NRXN1: variants seen among roughly 807,000 people sequenced by gnomAD.
NRXN1 encodes the protein neurexin-1.
A neutral mutation model predicts 150.9 loss-of-function variants in NRXN1; 39 were observed. The ratio of observed to expected loss-of-function variants is 0.26; its 90% CI spans 0.20 to 0.34. NRXN1 has a LOEUF of 0.34. NRXN1 is among the 10% of genes least tolerant of loss of function. The pLI is 1.00. For missense variants in NRXN1, 1,815 were observed against 1,949.9 expected (o/e 0.93, Z 1.30); for synonymous variants, 924 against 757.0 (o/e 1.22, Z -3.62).
chr2:49,987,144 G>C (rs1262322239), intron 21 of NRXN1, among the ~76,000 whole-genome samples: 2 of 151,872 alleles, frequency 1.3e-5, no homozygotes, highest in African/African-American at 4.8e-5. Flanking sequence ...CTGTAATTTT[G>C]TATCTGTTAG....
At chr2:50,242,832 C>T (rs375293648) in intron 17 of NRXN1, among the ~76,000 whole-genome samples, 19 of 151,758 alleles carry the variant, frequency 1.3e-4, no homozygotes, top group Middle Eastern at 3.4e-3. Flanking sequence ...GAGAATTAGA[C>T]AGATTTTTAA....
At chr2:50,411,544 C>T (rs567794069) in intron 17 of NRXN1, among the ~76,000 whole-genome samples, 48 of 151,266 alleles carry the variant, frequency 3.2e-4, no homozygotes, top group African/African-American at 4.4e-4. Flanking sequence ...ATGTGAAGAG[C>T]GCCTCTGCCC....
intron 21 of NRXN1, among the ~76,000 whole-genome samples, chr2:49,952,876 T>C (rs1225171646): frequency 2.0e-5 from 3 of 152,172 alleles, no homozygotes; most frequent in African/African-American, 7.2e-5. Context: ...TTATTTCTTA[T>C]TACATCTTGG....
intron 17 of NRXN1, among the ~76,000 whole-genome samples, chr2:50,302,054 T>A (rs1008416861): frequency 3.9e-5 from 6 of 152,146 alleles, no homozygotes; most frequent in African/African-American, 7.2e-5. Flanking sequence ...AATATTTTTT[T>A]AAAAAATTTC....
At chr2:50,072,322 A>G (rs573830352) in intron 19 of NRXN1, among the ~76,000 whole-genome samples, 2 of 152,330 alleles carry the variant, frequency 1.3e-5, no homozygotes, top group Non-Finnish European at 2.9e-5. Flanking sequence ...GCAACTCTGC[A>G]TAAGACAAAT....
intron 5 of NRXN1, among the ~76,000 whole-genome samples, chr2:50,856,165 C>T (rs961438233): frequency 2.0e-5 from 3 of 151,902 alleles, no homozygotes; most frequent in Admixed American, 1.3e-4. Context: ...TTCAACCATA[C>T]TTGTGACATT....
At chr2:50,075,816 C>T (rs190840459) in intron 19 of NRXN1, among the ~76,000 whole-genome samples, 8 of 151,670 alleles carry the variant, frequency 5.3e-5, no homozygotes, top group Non-Finnish European at 8.8e-5. Flanking sequence ...AACAGCTCTA[C>T]TTTCAGGAAA....
chr2:50,929,362 T>C (rs1687392981), intron 2 of NRXN1, among the ~76,000 whole-genome samples: 1 of 152,108 alleles, frequency 6.6e-6, no homozygotes, highest in South Asian at 2.1e-4. Context: ...AGTTTGGCAA[T>C]ATGTAAGTCT....
At chr2:50,539,549 T>C (rs1381700264) in intron 9 of NRXN1, among the ~76,000 whole-genome samples, 1 of 152,138 alleles carries the variant, frequency 6.6e-6, no homozygotes, top group Non-Finnish European at 1.5e-5. Flanking sequence ...ATATAAAGCA[T>C]ATTCCTGATC....
At chr2:50,613,724 G>C (rs1011993939) in intron 8 of NRXN1, among the ~76,000 whole-genome samples, 1 of 152,156 alleles carries the variant, frequency 6.6e-6, no homozygotes, top group Admixed American at 6.5e-5. Context: ...GGATCACAAG[G>C]TCAGGACATC....
chr2:50,354,367 A>C (rs2153003706), intron 17 of NRXN1, among the ~76,000 whole-genome samples: 1 of 151,810 alleles, frequency 6.6e-6, no homozygotes, highest in East Asian at 1.9e-4. Context: ...GCTTCTACAA[A>C]CTTGCTAGCT....
At chr2:49,955,255 G>T (rs1194260903) in intron 21 of NRXN1, among the ~76,000 whole-genome samples, 2 of 152,032 alleles carry the variant, frequency 1.3e-5, no homozygotes, top group Non-Finnish European at 2.9e-5. Flanking sequence ...AACAAGTATA[G>T]ATTATTTTCT....
chr2:50,651,348 C>G (rs1230910782), intron 5 of NRXN1, among the ~76,000 whole-genome samples: 1 of 151,922 alleles, frequency 6.6e-6, no homozygotes, highest in Non-Finnish European at 1.5e-5. Flanking sequence ...CATGGTGGCT[C>G]ACACCTGTAA....
chr2:50,077,017 G>C (rs1327256076), intron 19 of NRXN1, among the ~76,000 whole-genome samples: 2 of 152,126 alleles, frequency 1.3e-5, no homozygotes, highest in Non-Finnish European at 2.9e-5. Context: ...CACTGGAGTA[G>C]GCTTTAGAAC....
intron 17 of NRXN1, among the ~76,000 whole-genome samples, chr2:50,315,511 T>A (rs780656152): frequency 7.2e-5 from 11 of 152,134 alleles, no homozygotes; most frequent in Non-Finnish European, 1.6e-4. Flanking sequence ...ATGTGCAATA[T>A]TCAAATCTGT....
intron 15 of NRXN1, among the ~76,000 whole-genome samples, chr2:50,492,927 T>C (rs945072480): frequency 2.6e-4 from 7 of 27,090 alleles, no homozygotes; most frequent in African/African-American, 1.0e-3. Context: ...AAAAGAAAGA[T>C]GCCTGTTTTC....
At chr2:50,248,846 G>C (rs921972301) in intron 17 of NRXN1, among the ~76,000 whole-genome samples, 1 of 152,052 alleles carries the variant, frequency 6.6e-6, no homozygotes, top group Non-Finnish European at 1.5e-5. Context: ...TGTATGTGTA[G>C]AAATTGGCAT....
intron 17 of NRXN1, among the ~76,000 whole-genome samples, chr2:50,254,917 C>A (rs2067544587): frequency 6.6e-6 from 1 of 151,994 alleles, no homozygotes; most frequent in Non-Finnish European, 1.5e-5. Context: ...AGAGATCCTC[C>A]CACCTCAGCC....
chr2:50,221,757 T>C (rs1270125220), intron 18 of NRXN1, among the ~76,000 whole-genome samples: 4 of 152,034 alleles, frequency 2.6e-5, no homozygotes, highest in Non-Finnish European at 5.9e-5. Context: ...TTCGATTTAA[T>C]ATTGGCTATT....
Sources: gnomAD v4.1 joint callset for allele counts (sites outside exome capture counted in the v4.1 genomes callset) on GRCh38, gnomAD v4.1.1 for gene constraint, MANE v1.5 for transcripts, NCBI Gene and HGNC (gene_info 2026-07-23, HGNC 2026-07-21) for gene names.